SMC3: variants seen among roughly 807,000 people sequenced by gnomAD.
SMC3 encodes the protein structural maintenance of chromosomes protein 3.
A neutral mutation model predicts 171.8 loss-of-function variants in SMC3; 20 were observed. The ratio of observed to expected loss-of-function variants is 0.12; its 90% CI spans 0.08 to 0.17. The LOEUF (loss-of-function observed/expected upper bound fraction) is 0.17. Among genes scored for constraint, SMC3 ranks in the 10% least tolerant of loss-of-function variants. SMC3 has a pLI of 1.00. For missense variants in SMC3, 543 were observed against 1,420.4 expected, an observed-to-expected ratio of 0.38 and a Z score of 9.93; for synonymous variants, 464 against 451.1, an observed-to-expected ratio of 1.03 and a Z score of -0.36.
intron 4 of SMC3, among the ~76,000 whole-genome samples, 156 bp downstream of exon 4, chr10:110,575,559 C>T (rs1200074620): frequency 6.6e-6 from 1 of 152,174 alleles, no homozygotes; most frequent in Non-Finnish European, 1.5e-5. Flanking sequence ...GAAATTTAGC[C>T]TAACATATTA....
Position 110,578,724 on chromosome 10 carries a change from C to T in SMC3, c.429+18C>T, listed in dbSNP as rs776740637. ...AAGGAAAGGTAAAACAATTGTATGT[C>T]CTTTTTAAGTAGAATTTGTTTTCTG... On this transcript the variant is annotated intron_variant, in intron 7 of 28. Coordinates refer to ENST00000361804, the MANE Select transcript of SMC3 (RefSeq NM_005445.4). The T allele has an allele frequency of 5.8e-6, 9 of 1,538,502 alleles. No homozygotes were observed. The South Asian group carries it at 8.0e-5, about 14-fold the overall frequency.
rs1861443478 is a variant in SMC3, at chr10:110,604,711, C to T, written c.*409C>T. 1 of 179,620 alleles carries T rather than the reference C, an allele frequency of 5.6e-6. No homozygotes were observed. The highest frequency in any genetic ancestry group is 5.7e-5 in the Admixed American group (1 of 17,564). The allele number at this position is 179,620 out of a possible 1,614,324, so 11.1% of individuals were successfully genotyped here. On this transcript the variant is annotated 3_prime_UTR_variant, in exon 29 of 29. Transcript: ENST00000361804. ...ACTAATCAGATTGGATGTAAGGCCT[C>T]ATTTTAACTTAATCACCTCTTTAAA...
Position 110,581,915 on chromosome 10 carries a change from C to CTT in SMC3, c.548-5_548-4dup, listed in dbSNP as rs199906378. On this transcript the variant is annotated splice_region_variant and splice_polypyrimidine_tract_variant and intron_variant, in intron 8 of 28. Transcript: ENST00000361804. The stretch of plus-strand genomic sequence containing the variant: ...AATTCTTCCACCTCTCTCCCCATTT[C>CTT]TTTTAAGAGGGCAAACGGGAAAAAA... The CTT allele has an allele frequency of 0.046, 73,519 of 1,610,522 alleles. 1,987 individuals carry two copies. The highest frequency in any genetic ancestry group is 0.11 in the African/African-American group (8,043 of 74,896).
intron 28 of SMC3, among the ~76,000 whole-genome samples, 198 bp downstream of exon 28, chr10:110,603,488 A>G (rs1564796447): frequency 6.6e-6 from 1 of 152,204 alleles, no homozygotes; most frequent in Non-Finnish European, 1.5e-5. Flanking sequence ...TTTTATTTTC[A>G]TTGGCATTAA....
At chr10:110,593,016 T>A in intron 17 of SMC3, 57 bp from the exon 18 acceptor site, 3 of 1,344,978 alleles carry the variant, frequency 2.2e-6, no homozygotes, top group Non-Finnish European at 3.2e-6. Context: ...ATTTCATAAT[T>A]CTAAGTTCTT....
At chr10:110,594,584 A>G (rs551794258) in intron 18 of SMC3, among the ~76,000 whole-genome samples, 3 of 152,312 alleles carry the variant, frequency 2.0e-5, no homozygotes, top group Admixed American at 2.0e-4. Context: ...TTTCCTACTC[A>G]GATCACAGAT....
intron 15 of SMC3, 26 bp downstream of exon 15, chr10:110,590,017 T>C (rs1328194870): frequency 1.9e-6 from 3 of 1,566,142 alleles, no homozygotes; most frequent in African/African-American, 1.4e-5. Context: ...TCATCACCTC[T>C]GTTTACACTG....
chr10:110,578,205 C>G (rs946465370), intron 6 of SMC3, among the ~76,000 whole-genome samples: 4 of 152,184 alleles, frequency 2.6e-5, no homozygotes, highest in African/African-American at 9.7e-5. Context: ...TTCTGAGTAG[C>G]TGGGATTGCA....
At chr10:110,596,697 T>C in intron 19 of SMC3, 147 bp downstream of exon 19, 1 of 740,404 alleles carries the variant, frequency 1.4e-6, no homozygotes, top group Admixed American at 3.0e-5. Flanking sequence ...TTTTGAAGAC[T>C]AAAAGCTATT....
Position 110,601,597 on chromosome 10 carries a change from T to C in SMC3, c.2645-40T>C, listed in dbSNP as rs1484090059. ...TATACTCAACATATAACACTGGCTT[T>C]ATAGGTATTATAGCCTAATTTTGTT... On this transcript the variant is annotated intron_variant, in intron 23 of 28. Transcript: ENST00000361804. 5 of 1,594,942 alleles carry C rather than the reference T, an allele frequency of 3.1e-6. No homozygotes were observed. The South Asian group carries it at 3.3e-5, about 11-fold the overall frequency.
At chr10:110,590,365 C>T in intron 15 of SMC3, 47 bp from the exon 16 acceptor site, 1 of 1,483,380 alleles carries the variant, frequency 6.7e-7, no homozygotes, top group Middle Eastern at 1.9e-4. Context: ...ACCAGGAGTG[C>T]CATTGATGAT....
intron 8 of SMC3, among the ~76,000 whole-genome samples, 199 bp downstream of exon 8, chr10:110,581,220 T>A (rs1861025297): frequency 1.3e-5 from 2 of 149,110 alleles, no homozygotes; most frequent in African/African-American, 4.9e-5. Flanking sequence ...CACTGACTTT[T>A]TTTTTTTTTT....
rs748576613 is a variant in SMC3 at position 110,578,697 on chromosome 10, A to G, written c.420A>G (p.Lys140=). 8 of 1,604,528 alleles carry G rather than the reference A, an allele frequency of 5.0e-6. No homozygotes were observed. The highest frequency in any genetic ancestry group is 6.8e-6 in the Non-Finnish European group (8 of 1,173,424). Residue 140 remains lysine (K), a synonymous_variant, in exon 7 of 29, where the codon AAA becomes AAG. Coordinates refer to ENST00000361804, the MANE Select transcript of SMC3 (RefSeq NM_005445.4). ...FSRSNPYYIV[K]QGKINQMATA... ...GAAGCAATCCTTATTATATTGTTAA[A>G]CAAGGAAAGGTAAAACAATTGTATG... is the stretch of plus-strand genomic sequence containing the variant.
chr10:110,601,210 G>T (rs1428422803), intron 23 of SMC3, 80 bp downstream of exon 23: 1 of 1,008,972 alleles, frequency 9.9e-7, no homozygotes, highest in East Asian at 2.4e-5. Flanking sequence ...GTCCAAATAG[G>T]CAGAAGCATA....
intron 2 of SMC3, among the ~76,000 whole-genome samples, chr10:110,572,802 T>C (rs1402183788): frequency 2.6e-5 from 4 of 152,190 alleles, no homozygotes; most frequent in Non-Finnish European, 5.9e-5. Context: ...ATTTACAACT[T>C]GGCATTTGGT....
chr10:110,582,205 A>T lies in SMC3; in HGVS notation c.723+107A>T, dbSNP rs544821772. The T allele has an allele frequency of 9.4e-5, 97 of 1,032,668 alleles. No homozygotes were observed. The South Asian group carries it at 1.3e-3, about 13-fold the overall frequency. The allele number at this position is 1,032,668 out of a possible 1,614,324, so 64.0% of individuals were successfully genotyped here. Reference sequence around the variant, plus strand: ...TTCAGTGATTTTAAATAGAAACTTAAAAAAAACCTCTCAATGAATTTATTA... The same window carrying T: ...TTCAGTGATTTTAAATAGAAACTTATAAAAAACCTCTCAATGAATTTATTA... On this transcript the variant is annotated intron_variant, in intron 9 of 28. Coordinates refer to ENST00000361804, the MANE Select transcript of SMC3 (RefSeq NM_005445.4).
rs1564795980 is a variant in SMC3, at chr10:110,601,930, A to C, written c.2893-36A>C. On this transcript the variant is annotated intron_variant, in intron 24 of 28. Transcript: ENST00000361804. ...CTTGTTACAAATTGCTCAGTATATA[A>C]ATTTATTTATATGAATACATATTTT... 2.5e-6 allele frequency: 4 copies of C among 1,610,014 alleles called. No individual in the cohort carries two copies. In the Admixed American group the frequency reaches 5.0e-5, roughly 20 times the overall value.
chr10:110,570,581 A>AT (rs1352460018), intron 2 of SMC3, among the ~76,000 whole-genome samples: 3 of 152,208 alleles, frequency 2.0e-5, no homozygotes, highest in African/African-American at 7.2e-5. Flanking sequence ...ATGTAGAAAA[A>AT]TAAGAATTAT....
chr10:110,567,715 C>A lies in SMC3; in HGVS notation c.-102C>A. ...ATTTTGTTTGGCTGAGGGGAGCGAG[C>A]GGCGCTTTGGGGGAGGGGTCGCGTA... On this transcript the variant is annotated 5_prime_UTR_variant, in exon 1 of 29. Coordinates refer to ENST00000361804, the MANE Select transcript of SMC3 (RefSeq NM_005445.4). The A allele has an allele frequency of 3.5e-6, 5 of 1,424,218 alleles. No homozygotes were observed. Among genetic ancestry groups the A allele is most frequent in the Middle Eastern group, 2.1e-4 (1 of 4,724 alleles). The allele number at this position is 1,424,218 out of a possible 1,614,324, so 88.2% of individuals were successfully genotyped here.
Sources: allele counts gnomAD v4.1 joint callset (sites outside exome capture counted in the v4.1 genomes callset), GRCh38; gene constraint gnomAD v4.1.1; transcripts MANE v1.5; gene names NCBI Gene and HGNC (gene_info 2026-07-23, HGNC 2026-07-21).